SETBP1: variants seen among roughly 807,000 people sequenced by gnomAD.
The protein encoded by SETBP1 is SET binding protein 1, also known as SET-binding protein.
In SETBP1, 9 loss-of-function variants were observed where a neutral mutation model predicts 101.0. The ratio of observed to expected loss-of-function variants is 0.09; its 90% CI spans 0.05 to 0.16. SETBP1 has a LOEUF of 0.16. SETBP1 is among the 10% of genes least tolerant of loss of function. SETBP1 has a pLI of 1.00. For synonymous variants in SETBP1, 818 were observed against 788.5 expected (o/e 1.04, Z -0.63); for missense variants, 1,858 against 2,033.8 (o/e 0.91, Z 1.66).
At position 45,063,701 on chromosome 18, in the gene SETBP1, C is replaced by T. The variant is rs766424701; in HGVS notation, c.*3C>T. 2 of 1,603,638 alleles carry T rather than the reference C, an allele frequency of 1.2e-6. No homozygotes were observed. The highest frequency in any genetic ancestry group is 2.2e-5 in the South Asian group (2 of 89,114). ...GTGAGAGCGAGGTCCTTCCCTAGGG[C>T]GGGTCTGGGCGTCTGCACCTGGGGC... On this transcript the variant is annotated 3_prime_UTR_variant, in exon 6 of 6. Transcript: ENST00000649279.
intron 5 of SETBP1, among the ~76,000 whole-genome samples, chr18:45,060,861 A>G (rs1239811077): frequency 7.0e-6 from 1 of 143,398 alleles, no homozygotes; most frequent in Non-Finnish European, 1.5e-5. Context: ...ATTTTCCCCA[A>G]ATGACCTGCA....
intron 2 of SETBP1, among the ~76,000 whole-genome samples, chr18:44,776,872 C>A (rs1432775264): frequency 6.6e-6 from 1 of 152,174 alleles, no homozygotes; most frequent in Non-Finnish European, 1.5e-5. Context: ...TTGTCCTGGG[C>A]ATTCTGCTCC....
chr18:44,723,755 A>C (rs2069652088), intron 2 of SETBP1, among the ~76,000 whole-genome samples: 1 of 151,998 alleles, frequency 6.6e-6, no homozygotes, highest in Non-Finnish European at 1.5e-5. Flanking sequence ...TTCAGAGAAG[A>C]GGGGCTGGCA....
intron 4 of SETBP1, among the ~76,000 whole-genome samples, chr18:45,003,799 T>A (rs2072667929): frequency 1.3e-5 from 2 of 152,190 alleles, no homozygotes; most frequent in Admixed American, 1.3e-4. Context: ...GTAATCTAAA[T>A]GTGGTGACTC....
At chr18:44,690,472 G>A (rs1598993391) in intron 1 of SETBP1, among the ~76,000 whole-genome samples, 2 of 152,220 alleles carry the variant, frequency 1.3e-5, no homozygotes. Context: ...AGAGAACTTT[G>A]AAAGACTTTA....
chr18:45,032,689 C>G (rs1213920015), intron 4 of SETBP1, among the ~76,000 whole-genome samples: 1 of 152,072 alleles, frequency 6.6e-6, no homozygotes, highest in Non-Finnish European at 1.5e-5. Context: ...GCTATGAGAC[C>G]CTGGGGTTCA....
At chr18:44,686,928 T>C (rs1280130471) in intron 1 of SETBP1, among the ~76,000 whole-genome samples, 1 of 152,246 alleles carries the variant, frequency 6.6e-6, no homozygotes, top group Non-Finnish European at 1.5e-5. Context: ...TAGTGCCTAC[T>C]GGAGTCTCAT....
At chr18:44,990,005 A>G (rs983317536) in intron 4 of SETBP1, among the ~76,000 whole-genome samples, 1 of 151,938 alleles carries the variant, frequency 6.6e-6, no homozygotes, top group Non-Finnish European at 1.5e-5. Context: ...CCAACATCTC[A>G]ACAGTAACAA....
chr18:44,766,597 A>G (rs1334849769), intron 2 of SETBP1, among the ~76,000 whole-genome samples: 1 of 152,184 alleles, frequency 6.6e-6, no homozygotes, highest in Non-Finnish European at 1.5e-5. Flanking sequence ...TTGCACAATG[A>G]AAAGAGTTCT....
At chr18:44,688,513 C>T (rs1377503989) in intron 1 of SETBP1, among the ~76,000 whole-genome samples, 2 of 148,278 alleles carry the variant, frequency 1.3e-5, no homozygotes, top group Non-Finnish European at 3.0e-5. Context: ...CTTGTACTGT[C>T]ACGATCTCTG....
At chr18:44,947,481 C>T (rs950440548) in intron 3 of SETBP1, among the ~76,000 whole-genome samples, 29 of 149,478 alleles carry the variant, frequency 1.9e-4, no homozygotes, top group African/African-American at 7.1e-4. Context: ...AGAATCACAC[C>T]GTTTGTCCCA....
At chr18:44,918,367 C>G (rs1284909014) in intron 3 of SETBP1, among the ~76,000 whole-genome samples, 1 of 152,186 alleles carries the variant, frequency 6.6e-6, no homozygotes, top group African/African-American at 2.4e-5. Flanking sequence ...TTTCCCCAGG[C>G]CAGGCCTTCT....
At chr18:44,967,317 C>T (rs922714534) in intron 4 of SETBP1, among the ~76,000 whole-genome samples, 2 of 152,180 alleles carry the variant, frequency 1.3e-5, no homozygotes, top group Non-Finnish European at 2.9e-5. Context: ...CCCTTGGCAT[C>T]GGGACTGTCA....
chr18:44,849,444 A>G (rs1486582417), intron 2 of SETBP1, among the ~76,000 whole-genome samples: 1 of 152,084 alleles, frequency 6.6e-6, no homozygotes, highest in Non-Finnish European at 1.5e-5. Context: ...AAACAAGAGG[A>G]CTCGATGTGA....
At chr18:44,770,132 TA>T (rs1192891962) in intron 2 of SETBP1, among the ~76,000 whole-genome samples, 1 of 152,238 alleles carries the variant, frequency 6.6e-6, no homozygotes, top group Non-Finnish European at 1.5e-5. Flanking sequence ...GGAGAGATAA[TA>T]CTGATTTCTA....
intron 1 of SETBP1, among the ~76,000 whole-genome samples, chr18:44,696,088 G>A (rs1468006668): frequency 6.6e-6 from 1 of 152,208 alleles, no homozygotes; most frequent in East Asian, 1.9e-4. Context: ...AATAAATGAT[G>A]CTGGGAAGCC....
chr18:44,947,128 A>G (rs570769981), intron 3 of SETBP1, among the ~76,000 whole-genome samples: 1 of 152,340 alleles, frequency 6.6e-6, no homozygotes, highest in South Asian at 2.1e-4. Flanking sequence ...GTTAGCACAC[A>G]AATCAAATGT....
chr18:45,036,711 A>AGGAG (rs1287738189), intron 4 of SETBP1, among the ~76,000 whole-genome samples: 1 of 152,222 alleles, frequency 6.6e-6, no homozygotes, highest in Non-Finnish European at 1.5e-5. Context: ...AATGGAGAAT[A>AGGAG]GGAGGAAGGA....
intron 4 of SETBP1, among the ~76,000 whole-genome samples, chr18:44,967,942 C>T (rs1287862072): frequency 1.3e-5 from 2 of 152,100 alleles, no homozygotes; most frequent in African/African-American, 4.8e-5. Flanking sequence ...TGACTAAGTA[C>T]CTGTGTTCTT....
Sources: gnomAD v4.1 joint callset for allele counts (sites outside exome capture counted in the v4.1 genomes callset) on GRCh38, gnomAD v4.1.1 for gene constraint, MANE v1.5 for transcripts, NCBI Gene and HGNC (gene_info 2026-07-23, HGNC 2026-07-21) for gene names.